LINGO2: variants seen among roughly 807,000 people sequenced by gnomAD.
The protein encoded by LINGO2 is leucine-rich repeat and immunoglobulin-like domain-containing nogo receptor-interacting protein 2.
LINGO2 carries 14 observed loss-of-function variants against 30.6 expected under a neutral mutation model. The ratio of observed to expected loss-of-function variants is 0.46; its 90% CI spans 0.30 to 0.72. LINGO2 has a LOEUF of 0.72. LINGO2 is among the 30% of genes least tolerant of loss of function. LINGO2 has a pLI of 0.07. For missense variants in LINGO2, 729 were observed against 751.7 expected (o/e 0.97, Z 0.35); for synonymous variants, 317 against 288.5 (o/e 1.10, Z -1.00).
At chr9:28,427,977 G>T (rs913060543) in intron 2 of LINGO2, among the ~76,000 whole-genome samples, 3 of 151,836 alleles carry the variant, frequency 2.0e-5, no homozygotes, top group African/African-American at 7.3e-5. Context: ...CTTTATTTCT[G>T]TAAACAGTAT....
intron 3 of LINGO2, among the ~76,000 whole-genome samples, chr9:28,307,663 T>C (rs991228656): frequency 2.0e-5 from 3 of 152,170 alleles, no homozygotes; most frequent in Admixed American, 6.5e-5. Context: ...GATGACATGA[T>C]TGTATATCTA....
intron 3 of LINGO2, among the ~76,000 whole-genome samples, chr9:28,363,786 T>A (rs553896563): frequency 6.6e-6 from 1 of 152,214 alleles, no homozygotes; most frequent in African/African-American, 2.4e-5. Flanking sequence ...GTGCATTAGA[T>A]GTCTTTGAGG....
chr9:28,779,171 C>T, the LINGO2 span, among the ~76,000 whole-genome samples: 1 of 152,136 alleles, frequency 6.6e-6, no homozygotes, highest in Non-Finnish European at 1.5e-5. Context: ...GCCTTTCAAT[C>T]GTTTTTAAAA....
the LINGO2 span, among the ~76,000 whole-genome samples, chr9:28,892,491 C>T: frequency 0.38 from 57,695 of 151,806 alleles, 13,018 homozygotes; most frequent in Non-Finnish European, 0.49. Flanking sequence ...CCAGCTATAG[C>T]CACATACTTT....
At chr9:28,732,785 T>C in the LINGO2 span, among the ~76,000 whole-genome samples, 1 of 152,190 alleles carries the variant, frequency 6.6e-6, no homozygotes, top group African/African-American at 2.4e-5. Flanking sequence ...TCTATAAATA[T>C]CAATTAGCCA....
intron 3 of LINGO2, among the ~76,000 whole-genome samples, chr9:28,344,204 A>G (rs1465057617): frequency 6.6e-6 from 1 of 152,212 alleles, no homozygotes; most frequent in Non-Finnish European, 1.5e-5. Context: ...ATTTAATAAC[A>G]GAAAAACAAC....
intron 3 of LINGO2, among the ~76,000 whole-genome samples, chr9:28,300,841 A>C (rs73431343): frequency 6.1e-4 from 91 of 148,192 alleles, no homozygotes; most frequent in African/African-American, 2.1e-3. Flanking sequence ...TAAACCAACA[A>C]ATTATGGAAG....
intron 4 of LINGO2, among the ~76,000 whole-genome samples, chr9:28,193,674 T>G (rs1311133651): frequency 6.6e-6 from 1 of 152,186 alleles, no homozygotes; most frequent in African/African-American, 2.4e-5. Context: ...ACCTCCAAAC[T>G]CGGTGGCTTA....
intron 4 of LINGO2, among the ~76,000 whole-genome samples, chr9:28,239,939 C>A (rs1404235383): frequency 6.6e-6 from 1 of 152,094 alleles, no homozygotes; most frequent in Non-Finnish European, 1.5e-5. Context: ...AGTAAAGTTG[C>A]AGGATACAAA....
chr9:28,384,329 CTA>C (rs3064858), intron 2 of LINGO2, among the ~76,000 whole-genome samples: 173 of 123,152 alleles, frequency 1.4e-3, no homozygotes, highest in East Asian at 7.9e-3. Flanking sequence ...ATGTTATGCA[CTA>C]TATATATATA....
the LINGO2 span, among the ~76,000 whole-genome samples, chr9:28,696,756 G>A: frequency 6.6e-6 from 1 of 151,966 alleles, no homozygotes; most frequent in African/African-American, 2.4e-5. Flanking sequence ...TGTTACATGG[G>A]TAGTAGGAAG....
At chr9:29,033,220 T>C in the LINGO2 span, among the ~76,000 whole-genome samples, 3 of 151,960 alleles carry the variant, frequency 2.0e-5, no homozygotes, top group Non-Finnish European at 4.4e-5. Context: ...ACTTCCAAAG[T>C]TCATGTGAGG....
the LINGO2 span, among the ~76,000 whole-genome samples, chr9:28,730,364 C>T: frequency 1.7e-4 from 26 of 152,134 alleles, no homozygotes; most frequent in Non-Finnish European, 3.1e-4. Flanking sequence ...CTCTCTGGGA[C>T]GAGAGTTGGG....
chr9:28,739,667 C>T, the LINGO2 span, among the ~76,000 whole-genome samples: 1 of 151,678 alleles, frequency 6.6e-6, no homozygotes, highest in African/African-American at 2.4e-5. Context: ...AAAATGAATA[C>T]TGAACTATCT....
the LINGO2 span, among the ~76,000 whole-genome samples, chr9:29,071,523 A>ATG: frequency 7.0e-6 from 1 of 142,028 alleles, no homozygotes; most frequent in Non-Finnish European, 1.5e-5. Context: ...ATATATGTAT[A>ATG]TGTATATACA....
intron 3 of LINGO2, among the ~76,000 whole-genome samples, chr9:28,303,563 T>G (rs1824229303): frequency 6.6e-6 from 1 of 152,156 alleles, no homozygotes; most frequent in Non-Finnish European, 1.5e-5. Context: ...AGCAGTCTAC[T>G]CTTGACTGGA....
intron 4 of LINGO2, among the ~76,000 whole-genome samples, chr9:28,020,097 A>G (rs1323844422): frequency 6.6e-6 from 1 of 152,202 alleles, no homozygotes; most frequent in Non-Finnish European, 1.5e-5. Flanking sequence ...GATGATGCTT[A>G]TGGTCACTTC....
the LINGO2 span, among the ~76,000 whole-genome samples, chr9:28,922,906 G>A: frequency 6.6e-6 from 1 of 152,138 alleles, no homozygotes; most frequent in Admixed American, 6.5e-5. Context: ...GGACTATGCA[G>A]GTGGACCCTA....
At chr9:28,071,777 T>C (rs1265280808) in intron 4 of LINGO2, among the ~76,000 whole-genome samples, 1 of 152,120 alleles carries the variant, frequency 6.6e-6, no homozygotes, top group East Asian at 1.9e-4. Flanking sequence ...CTGTGCGTCA[T>C]TCTCTTCATT....
Sources: gnomAD v4.1 joint callset for allele counts (sites outside exome capture counted in the v4.1 genomes callset) on GRCh38, gnomAD v4.1.1 for gene constraint, MANE v1.5 for transcripts, NCBI Gene and HGNC (gene_info 2026-07-23, HGNC 2026-07-21) for gene names.